Variants in DIP2B observed in about 807,000 individuals in gnomAD.
The protein encoded by DIP2B is disco-interacting protein 2 homolog B.
A neutral mutation model predicts 198.0 loss-of-function variants in DIP2B; 76 were observed. The observed-to-expected ratio is 0.38, with a 90% CI of 0.32 to 0.46. The LOEUF (loss-of-function observed/expected upper bound fraction) is 0.46, where lower values mean the gene tolerates loss of function less well. Among genes scored for constraint, DIP2B ranks in the 20% least tolerant of loss-of-function variants. The probability of loss-of-function intolerance (pLI) is 0.99; values close to 1 mark genes in which losing one functional copy is unlikely to be tolerated. For synonymous variants in DIP2B, 701 were observed against 739.1 expected, an observed-to-expected ratio of 0.95 and a Z score of 0.84; for missense variants, 1,559 against 1,978.4, an observed-to-expected ratio of 0.79 and a Z score of 4.02.
intron 3 of DIP2B, among the ~76,000 whole-genome samples, chr12:50,642,211 A>T (rs750740065): frequency 6.6e-6 from 1 of 152,198 alleles, no homozygotes; most frequent in Non-Finnish European, 1.5e-5. Context: ...AAAGACATCC[A>T]AGCTGAGTCA....
Position 50,704,171 on chromosome 12 carries a change from T to C in DIP2B, c.2357T>C (p.Val786Ala). The C allele has an allele frequency of 6.2e-7, 1 of 1,611,270 alleles. No homozygotes were observed. The highest frequency in any genetic ancestry group is 8.5e-7 in the Non-Finnish European group (1 of 1,179,510). Residue 786 changes from valine to alanine, a missense_variant, in exon 20 of 38, where the codon GTT becomes GCT. By Grantham distance (64) the Val-to-Ala change is moderately conservative (BLOSUM62 0). Coordinates refer to ENST00000301180, the MANE Select transcript of DIP2B (RefSeq NM_173602.3). ...VIPVNSAGSP[V>A]GDVPFIRSGL... Reference sequence around the variant, plus strand: ...CCAGTGAATTCTGCAGGCTCTCCTGTTGGGGATGTGCCATTCATCCGATCA... The same window carrying C: ...CCAGTGAATTCTGCAGGCTCTCCTGCTGGGGATGTGCCATTCATCCGATCA...
intron 3 of DIP2B, among the ~76,000 whole-genome samples, chr12:50,650,391 C>T (rs867872963): frequency 1.3e-5 from 2 of 152,160 alleles, no homozygotes; most frequent in African/African-American, 2.4e-5. Flanking sequence ...GGTAACTGTA[C>T]GCATGTTATT....
chr12:50,569,067 C>T, intron 1 of DIP2B, among the ~76,000 whole-genome samples: 1 of 150,052 alleles, frequency 6.7e-6, no homozygotes, highest in African/African-American at 2.4e-5. Flanking sequence ...ACAATCTCTG[C>T]TTTTCCAGTG....
At chr12:50,543,216 G>C (rs771449481) in intron 1 of DIP2B, among the ~76,000 whole-genome samples, 4 of 151,956 alleles carry the variant, frequency 2.6e-5, no homozygotes, top group Non-Finnish European at 4.4e-5. Flanking sequence ...CCAAGATAGA[G>C]TCATGGGTAA....
At position 50,723,319 on chromosome 12, in the gene DIP2B, T is replaced by C; in HGVS notation, c.3284T>C (p.Val1095Ala). ...TATLPTVRMI[V>A]DVSKAACILT... ...ACGCTGCCCACTGTCCGAATGATTG[T>C]TGATGTAAGTACCAGCTGTATCTTG... The change falls in exon 27 of 38, where the codon GTT becomes GCT. Residue 1095 changes from valine to alanine, a missense_variant. Val to Ala is a moderately conservative substitution (Grantham distance 64, BLOSUM62 0). Transcript: ENST00000301180. 1 of 1,614,194 alleles carries C rather than the reference T, an allele frequency of 6.2e-7. No homozygotes were observed. Among genetic ancestry groups the C allele is most frequent in the Non-Finnish European group, 8.5e-7 (1 of 1,180,014 alleles).
At position 50,654,953 on chromosome 12, in the gene DIP2B, G is replaced by T; in HGVS notation, c.302-5241G>T. 6.8e-6 allele frequency: 3 copies of T among 442,444 alleles called. No homozygotes were observed. The Admixed American group carries it at 7.3e-5, about 11-fold the overall frequency. The allele number at this position is 442,444 out of a possible 1,614,324, so 27.4% of individuals were successfully genotyped here. ...AATGCAGTGTGGTAAAAACTGTTTT[G>T]GGGGAGGAATTTTTCAAGATGTGAC... is the stretch of plus-strand genomic sequence containing the variant. On this transcript the variant is annotated intron_variant, in intron 3 of 37. Transcript: ENST00000301180.
intron 1 of DIP2B, among the ~76,000 whole-genome samples, chr12:50,608,580 C>T (rs1202373037): frequency 1.3e-5 from 2 of 148,534 alleles, no homozygotes; most frequent in South Asian, 4.2e-4. Flanking sequence ...GAGCTGAGTT[C>T]GTGCCACTAC....
At chr12:50,601,147 C>A (rs373506757) in intron 1 of DIP2B, among the ~76,000 whole-genome samples, 1 of 152,100 alleles carries the variant, frequency 6.6e-6, no homozygotes, top group East Asian at 1.9e-4. Context: ...CACAAGGGGA[C>A]CCTTGTCTGC....
chr12:50,678,610 G>A, intron 7 of DIP2B, 69 bp from the exon 8 acceptor site: 4 of 1,489,708 alleles, frequency 2.7e-6, no homozygotes, highest in Non-Finnish European at 3.7e-6. Flanking sequence ...ATGCAGTTGA[G>A]ATTAGAGACC....
chr12:50,663,015 A>G (rs964758510), intron 4 of DIP2B, among the ~76,000 whole-genome samples: 6 of 152,174 alleles, frequency 3.9e-5, no homozygotes. Flanking sequence ...AGGCTGAGGC[A>G]GGGGAATTAC....
At chr12:50,593,692 TC>T (rs1861293056) in intron 1 of DIP2B, among the ~76,000 whole-genome samples, 1 of 94,174 alleles carries the variant, frequency 1.1e-5, no homozygotes, top group Non-Finnish European at 2.2e-5. Context: ...TACACTCTTT[TC>T]TCCTCTCCTC....
intron 19 of DIP2B, among the ~76,000 whole-genome samples, chr12:50,703,837 C>T (rs1315114400): frequency 1.3e-5 from 2 of 149,510 alleles, no homozygotes; most frequent in South Asian, 2.1e-4. Context: ...AGATATATTT[C>T]GTGGAAAAGC....
At chr12:50,560,167 G>A (rs949224320) in intron 1 of DIP2B, among the ~76,000 whole-genome samples, 3 of 151,868 alleles carry the variant, frequency 2.0e-5, no homozygotes, top group Non-Finnish European at 4.4e-5. Flanking sequence ...GGCTGAGGCG[G>A]GTGGATCACG....
chr12:50,515,071 C>T (rs1175050458), intron 1 of DIP2B, among the ~76,000 whole-genome samples: 8 of 152,032 alleles, frequency 5.3e-5, no homozygotes, highest in Non-Finnish European at 1.2e-4. Flanking sequence ...GTGTGGCCTA[C>T]ATTTCCTTCC....
At chr12:50,625,554 C>T (rs1937915376) in intron 1 of DIP2B, among the ~76,000 whole-genome samples, 1 of 152,118 alleles carries the variant, frequency 6.6e-6, no homozygotes, top group Non-Finnish European at 1.5e-5. Context: ...TCTTCTCTTA[C>T]TTTTATGTGG....
At chr12:50,736,890 C>T (rs1440133065) in intron 34 of DIP2B, 146 bp from the exon 35 acceptor site, 9 of 669,122 alleles carry the variant, frequency 1.3e-5, no homozygotes, top group Admixed American at 2.7e-5. Flanking sequence ...TGCCATGATC[C>T]CCTCAGGGTA....
rs1231174555 is a variant in DIP2B at position 50,731,451 on chromosome 12, C to G, written c.3724C>G (p.Gln1242Glu). 6.2e-7 allele frequency: 1 copy of G among 1,614,050 alleles called. No homozygotes were observed. Among genetic ancestry groups the G allele is most frequent in the Admixed American group, 1.7e-5 (1 of 60,002 alleles). The change falls in exon 31 of 38, where the codon CAG becomes GAG. Residue 1242 changes from glutamine to glutamate, a missense_variant. Transcript: ENST00000301180. ...NLFLWLSTVNQYKIRDTFCSY... is the reference protein window; with the variant it reads ...NLFLWLSTVNEYKIRDTFCSY... ...TTTCCTCTGGCTCTCCACAGTCAAC[C>G]AGTACAAAATAAGGGACACTTTCTG...
intron 1 of DIP2B, among the ~76,000 whole-genome samples, chr12:50,584,999 A>G (rs1204894339): frequency 6.6e-6 from 1 of 152,050 alleles, no homozygotes; most frequent in Non-Finnish European, 1.5e-5. Context: ...GTCCCTCATT[A>G]TGCTGTGGCT....
At position 50,746,915 on chromosome 12, in the gene DIP2B, A is replaced by G. The variant is rs1166966021; in HGVS notation, c.*2076A>G. ...AATTCTTACTAACACAGATTAGGGT[A>G]TAGGCATCTAGAGATGCACTGTCCA... is the stretch of plus-strand genomic sequence containing the variant. On this transcript the variant is annotated 3_prime_UTR_variant, in exon 38 of 38. Coordinates refer to ENST00000301180, the MANE Select transcript of DIP2B (RefSeq NM_173602.3). 1 of 152,228 alleles carries G rather than the reference A, an allele frequency of 6.6e-6. No homozygotes were observed. The highest frequency in any genetic ancestry group is 1.5e-5 in the Non-Finnish European group (1 of 68,038). 9.4% of individuals were successfully genotyped at this position (152,228 alleles called of 1,614,324 possible). A position where few individuals can be genotyped will look rare whatever the true frequency, so the allele number is the denominator to read the frequency against.
Sources: allele counts gnomAD v4.1 joint callset (sites outside exome capture counted in the v4.1 genomes callset), GRCh38; gene constraint gnomAD v4.1.1; transcripts MANE v1.5; gene names NCBI Gene and HGNC (gene_info 2026-07-23, HGNC 2026-07-21).